The following PDE3B variants were observed in gnomAD, a reference collection of about 807,000 sequenced individuals.
PDE3B encodes the protein cGMP-inhibited 3',5'-cyclic phosphodiesterase 3B.
Under a neutral mutation model 116.8 loss-of-function variants are expected in PDE3B, and 66 were observed. The ratio of observed to expected loss-of-function variants is 0.56; its 90% CI spans 0.46 to 0.69. The LOEUF (loss-of-function observed/expected upper bound fraction) is 0.69, where lower values mean the gene tolerates loss of function less well. PDE3B is among the 30% of genes least tolerant of loss of function. The pLI is 0.00. For synonymous variants in PDE3B, 595 were observed against 533.6 expected (o/e 1.12, Z -1.59); for missense variants, 1,384 against 1,368.1 (o/e 1.01, Z -0.18).
chr11:14,693,716 A>T (rs1590066969), intron 1 of PDE3B, among the ~76,000 whole-genome samples: 1 of 152,312 alleles, frequency 6.6e-6, no homozygotes, highest in East Asian at 1.9e-4. Context: ...TCGTCGTCCA[A>T]GAGCTCTGAT....
chr11:14,736,306 G>A (rs572975347), intron 1 of PDE3B, among the ~76,000 whole-genome samples: 13 of 152,296 alleles, frequency 8.5e-5, no homozygotes, highest in African/African-American at 2.2e-4. Context: ...CTACAAGGGA[G>A]TTAAAAGCTG....
intron 1 of PDE3B, among the ~76,000 whole-genome samples, chr11:14,663,102 C>T (rs1442705501): frequency 3.9e-5 from 6 of 152,036 alleles, no homozygotes; most frequent in African/African-American, 9.7e-5. Context: ...AGACTAACAG[C>T]GGATCTCTCA....
intron 1 of PDE3B, among the ~76,000 whole-genome samples, chr11:14,766,357 G>A (rs1264072057): frequency 6.6e-6 from 1 of 151,550 alleles, no homozygotes; most frequent in African/African-American, 2.4e-5. Flanking sequence ...GGTTAAACAT[G>A]GACTCCAGAA....
At chr11:14,648,612 T>TGCA (rs1853479993) in intron 1 of PDE3B, among the ~76,000 whole-genome samples, 1 of 152,144 alleles carries the variant, frequency 6.6e-6, no homozygotes, top group South Asian at 2.1e-4. Context: ...TACTCTGCCA[T>TGCA]GAGTATTATT....
At chr11:14,749,089 A>G (rs905491378) in intron 1 of PDE3B, among the ~76,000 whole-genome samples, 2 of 152,038 alleles carry the variant, frequency 1.3e-5, no homozygotes, top group Non-Finnish European at 2.9e-5. Context: ...GGGTTTTGCC[A>G]TGTTGCTCAG....
intron 1 of PDE3B, among the ~76,000 whole-genome samples, chr11:14,692,939 C>A (rs1044224285): frequency 6.6e-6 from 1 of 152,082 alleles, no homozygotes; most frequent in African/African-American, 2.4e-5. Context: ...GCTTCTTGAG[C>A]CAAACAGTTA....
chr11:14,688,595 GTATT>G (rs1854956593), intron 1 of PDE3B, among the ~76,000 whole-genome samples: 1 of 152,054 alleles, frequency 6.6e-6, no homozygotes, highest in South Asian at 2.1e-4. Context: ...ATTTAGTCTT[GTATT>G]TATTTTATTT....
intron 1 of PDE3B, among the ~76,000 whole-genome samples, chr11:14,709,646 G>C (rs999539526): frequency 3.3e-5 from 5 of 152,244 alleles, no homozygotes; most frequent in African/African-American, 1.2e-4. Context: ...ATTTGGAGAG[G>C]AGATAGCACC....
chr11:14,845,673 C>T (rs903841276), intron 12 of PDE3B, among the ~76,000 whole-genome samples: 101 of 152,194 alleles, frequency 6.6e-4, no homozygotes, highest in African/African-American at 2.2e-3. Context: ...AGCCAAGGCT[C>T]GAAAACTACG....
At chr11:14,761,760 CA>C (rs1164785026) in intron 1 of PDE3B, among the ~76,000 whole-genome samples, 6 of 151,998 alleles carry the variant, frequency 3.9e-5, no homozygotes, top group Admixed American at 1.3e-4. Flanking sequence ...ATTACCATGA[CA>C]AAACTTATTT....
At chr11:14,721,256 T>G (rs1345714319) in intron 1 of PDE3B, among the ~76,000 whole-genome samples, 4 of 152,086 alleles carry the variant, frequency 2.6e-5, no homozygotes, top group African/African-American at 7.2e-5. Flanking sequence ...ATGGCAATCA[T>G]TAAAAAGTCA....
At chr11:14,860,363 T>G (rs1243564186) in intron 13 of PDE3B, among the ~76,000 whole-genome samples, 3 of 151,866 alleles carry the variant, frequency 2.0e-5, no homozygotes, top group South Asian at 2.1e-4. Context: ...TATGGTGGTG[T>G]TCTACATATA....
At chr11:14,823,923 G>T (rs118188191) in intron 7 of PDE3B, among the ~76,000 whole-genome samples, 1,853 of 152,316 alleles carry the variant, frequency 0.012, 17 homozygotes, top group Middle Eastern at 0.024. Flanking sequence ...CCCTGGGAAA[G>T]AACTCCCAGT....
At chr11:14,879,094 C>G in the PDE3B span, 1 of 1,582,882 alleles carries the variant, frequency 6.3e-7, no homozygotes, top group Non-Finnish European at 8.7e-7. Context: ...TAAAGTTACG[C>G]CCCGTGAAAG....
At chr11:14,782,890 A>T (rs985207922) in intron 2 of PDE3B, among the ~76,000 whole-genome samples, 3 of 152,260 alleles carry the variant, frequency 2.0e-5, no homozygotes, top group Non-Finnish European at 4.4e-5. Flanking sequence ...TCCAGAATCT[A>T]CAAGGAACTT....
At chr11:14,800,513 C>T (rs191191562) in intron 4 of PDE3B, among the ~76,000 whole-genome samples, 22 of 152,062 alleles carry the variant, frequency 1.4e-4, no homozygotes, top group African/African-American at 4.3e-4. Context: ...GGGTTTCTGC[C>T]GAGAGAGATC....
chr11:14,697,784 CTT>C (rs1172483998), intron 1 of PDE3B, among the ~76,000 whole-genome samples: 10 of 151,732 alleles, frequency 6.6e-5, no homozygotes, highest in Admixed American at 5.3e-4. Context: ...TTGTAGATGT[CTT>C]TATTCATTGG....
intron 12 of PDE3B, among the ~76,000 whole-genome samples, chr11:14,844,794 G>A (rs929701478): frequency 2.6e-5 from 4 of 152,218 alleles, no homozygotes; most frequent in East Asian, 3.8e-4. Flanking sequence ...AAGGGCGCCC[G>A]CCATTGCCCA....
In PDE3B at chr11:14,725,256, G is replaced by A. The variant is rs539714668; in HGVS notation, c.979-46681G>A. ...TTCCAGCAGCTTTTTTCTTTCTTTC[G>A]TTCTTTCTTTCTCTTTCTTTTTCTT... is the stretch of plus-strand genomic sequence containing the variant. On this transcript the variant is annotated intron_variant, in intron 1 of 15. Coordinates refer to ENST00000282096, the MANE Select transcript of PDE3B (RefSeq NM_000922.4). Among the ~76,000 whole-genome samples, 12 of 150,982 alleles carry A rather than the reference G, an allele frequency of 7.9e-5. No homozygotes were observed. In the East Asian group the frequency reaches 1.7e-3, roughly 22 times the overall value.
Sources: allele counts gnomAD v4.1 joint callset (sites outside exome capture counted in the v4.1 genomes callset), GRCh38; gene constraint gnomAD v4.1.1; transcripts MANE v1.5; gene names NCBI Gene and HGNC (gene_info 2026-07-23, HGNC 2026-07-21).